COL11A1: variants seen among roughly 807,000 people sequenced by gnomAD.
COL11A1 encodes the protein collagen alpha-1(XI) chain.
Under a neutral mutation model 265.2 loss-of-function variants are expected in COL11A1, and 74 were observed. The ratio of observed to expected loss-of-function variants is 0.28; its 90% CI spans 0.23 to 0.34. The LOEUF (loss-of-function observed/expected upper bound fraction) is 0.34, where lower values mean the gene tolerates loss of function less well. Among genes scored for constraint, COL11A1 ranks in the 10% least tolerant of loss-of-function variants. The pLI is 1.00. For missense variants in COL11A1, 2,165 were observed against 2,263.6 expected (o/e 0.96, Z 0.88); for synonymous variants, 816 against 727.6 (o/e 1.12, Z -1.96).
At chr1:102,931,211 C>T (rs1657389258) in intron 46 of COL11A1, among the ~76,000 whole-genome samples, 1 of 149,770 alleles carries the variant, frequency 6.7e-6, no homozygotes, top group Non-Finnish European at 1.5e-5. Flanking sequence ...ATCTTTCCTG[C>T]TTTCTCTTGT....
intron 38 of COL11A1, among the ~76,000 whole-genome samples, chr1:102,965,280 T>C (rs1429799491): frequency 1.3e-5 from 2 of 152,224 alleles, no homozygotes; most frequent in Non-Finnish European, 2.9e-5. Flanking sequence ...CTTTTATTCT[T>C]ACAGGCAATT....
At chr1:102,906,180 A>T (rs1192609705) in intron 54 of COL11A1, among the ~76,000 whole-genome samples, 1 of 152,128 alleles carries the variant, frequency 6.6e-6, no homozygotes, top group Non-Finnish European at 1.5e-5. Context: ...TCACTTCAGT[A>T]TTGTAAATTA....
At chr1:102,971,187 A>G (rs1397292874) in intron 36 of COL11A1, among the ~76,000 whole-genome samples, 2 of 152,220 alleles carry the variant, frequency 1.3e-5, no homozygotes, top group African/African-American at 4.8e-5. Flanking sequence ...TCTTGGAAGC[A>G]TAATGTTTGT....
chr1:102,913,676 A>G lies in COL11A1; in HGVS notation c.3993T>C (p.Val1331=). The part of the protein sequence containing the change: ...GEPGPAGQDG[V]GGDKGEDGDP... ...CTCCATCTTCACCCTTGTCACCACC[A>G]ACACCATCTTGACCCTATAAGAGGC... The change falls in exon 53 of 67, where the codon GTT becomes GTC. Residue 1331 remains valine (V), a synonymous_variant. Transcript: ENST00000370096. 1 of 1,613,512 alleles carries G rather than the reference A, an allele frequency of 6.2e-7. No homozygotes were observed. Among genetic ancestry groups the G allele is most frequent in the Non-Finnish European group, 8.5e-7 (1 of 1,179,648 alleles).
chr1:103,048,244 TG>T, intron 4 of COL11A1, among the ~76,000 whole-genome samples: 1 of 152,324 alleles, frequency 6.6e-6, no homozygotes, highest in East Asian at 1.9e-4. Context: ...GGACTTTTTT[TG>T]GTTGTTAAGC....
chr1:103,007,981 A>ATT (rs200370040), intron 15 of COL11A1, among the ~76,000 whole-genome samples: 1 of 151,608 alleles, frequency 6.6e-6, no homozygotes, highest in African/African-American at 2.4e-5. Context: ...AACAGTACAA[A>ATT]TTTTTTTTTA....
intron 1 of COL11A1, among the ~76,000 whole-genome samples, chr1:103,104,092 A>G (rs1320217917): frequency 6.6e-6 from 1 of 152,102 alleles, no homozygotes; most frequent in Non-Finnish European, 1.5e-5. Flanking sequence ...AGCAATTTCT[A>G]TAATTTCTAG....
chr1:102,917,240 G>T (rs1246074624), intron 49 of COL11A1, among the ~76,000 whole-genome samples: 3 of 151,838 alleles, frequency 2.0e-5, no homozygotes, highest in Non-Finnish European at 4.4e-5. Flanking sequence ...AAAAGGAAAA[G>T]ATCCTCTTTT....
intron 37 of COL11A1, among the ~76,000 whole-genome samples, chr1:102,966,118 A>G (rs1360273593): frequency 6.6e-6 from 1 of 152,204 alleles, no homozygotes; most frequent in Non-Finnish European, 1.5e-5. Flanking sequence ...TCATTAAAAT[A>G]TCATCTGGTT....
chr1:102,897,945 T>C (rs1652655734), intron 57 of COL11A1, among the ~76,000 whole-genome samples, 180 bp downstream of exon 57: 1 of 152,190 alleles, frequency 6.6e-6, no homozygotes, highest in Admixed American at 6.5e-5. Flanking sequence ...GATCAAGTGG[T>C]TTATTTTCCA....
At chr1:102,880,159 C>T (rs1283184605) in intron 65 of COL11A1, 3 of 476,214 alleles carry the variant, frequency 6.3e-6, no homozygotes, top group Non-Finnish European at 7.6e-6. Context: ...ACCACTTTAT[C>T]TCTAAGTCTT....
intron 1 of COL11A1, among the ~76,000 whole-genome samples, chr1:103,103,527 G>C (rs530443495): frequency 5.2e-4 from 79 of 151,872 alleles, no homozygotes; most frequent in African/African-American, 1.8e-3. Context: ...GTAGTAAATA[G>C]AGTATTTAAA....
At chr1:103,059,498 G>T (rs567406469) in intron 4 of COL11A1, among the ~76,000 whole-genome samples, 26 of 152,108 alleles carry the variant, frequency 1.7e-4, no homozygotes, top group Non-Finnish European at 3.2e-4. Flanking sequence ...GCAAGGAAAA[G>T]AAACTACAGT....
In COL11A1 at chr1:102,886,208, T is replaced by C. The variant is rs553970617; in HGVS notation, c.4858+599A>G. On this transcript the variant is annotated intron_variant, in intron 63 of 66. Coordinates refer to ENST00000370096, the MANE Select transcript of COL11A1 (RefSeq NM_001854.4). ...TCTTTCTTTCTCTGACCAATAGGTA[T>C]ATAAAGGTTTTGTCAAAGAGTTGGT... is the stretch of plus-strand genomic sequence containing the variant. Among the ~76,000 whole-genome samples the C allele has an allele frequency of 4.5e-4, 68 of 152,252 alleles. 1 individual carries two copies. Among genetic ancestry groups the C allele is most frequent in the African/African-American group, 1.6e-3 (67 of 41,570 alleles).
chr1:103,049,135 T>C (rs1346432440), intron 4 of COL11A1, among the ~76,000 whole-genome samples: 1 of 152,186 alleles, frequency 6.6e-6, no homozygotes, highest in Non-Finnish European at 1.5e-5. Flanking sequence ...CAGAGCTGAG[T>C]TCAATTCCTG....
chr1:103,007,836 T>C (rs1665759813), intron 15 of COL11A1, among the ~76,000 whole-genome samples: 1 of 124,668 alleles, frequency 8.0e-6, no homozygotes, highest in South Asian at 2.6e-4. Context: ...CACTCCAGCC[T>C]GGGCAACAGA....
chr1:102,970,313 T>C, intron 36 of COL11A1, 41 bp from the exon 37 acceptor site: 1 of 1,472,050 alleles, frequency 6.8e-7, no homozygotes, highest in Non-Finnish European at 9.4e-7. Context: ...CATAAATATT[T>C]AATTATTTTA....
At chr1:103,019,548 T>G (rs964997079) in intron 9 of COL11A1, among the ~76,000 whole-genome samples, 4 of 151,646 alleles carry the variant, frequency 2.6e-5, no homozygotes, top group Non-Finnish European at 4.4e-5. Context: ...GAGTAATGAG[T>G]AGATGGCCAA....
Position 102,909,480 on chromosome 1 carries a change from A to G in COL11A1, c.4086+2679T>C, listed in dbSNP as rs192019118. 9.2e-5 allele frequency among the ~76,000 whole-genome samples: 14 copies of G among 152,298 alleles called. No individual in the cohort carries two copies. The East Asian group carries it at 1.9e-3, about 21-fold the overall frequency. ...TAAAAAAGGATGCTTCATGTTCTTA[A>G]AGCAACAAATAACTAAATTTTTTTG... On this transcript the variant is annotated intron_variant, in intron 54 of 66. Coordinates refer to ENST00000370096, the MANE Select transcript of COL11A1 (RefSeq NM_001854.4).
Sources: gnomAD v4.1 joint callset for allele counts (sites outside exome capture counted in the v4.1 genomes callset) on GRCh38, gnomAD v4.1.1 for gene constraint, MANE v1.5 for transcripts, NCBI Gene and HGNC (gene_info 2026-07-23, HGNC 2026-07-21) for gene names.